Variants in PIK3C2G observed in about 807,000 individuals in gnomAD.
The protein encoded by PIK3C2G is phosphatidylinositol 3-kinase C2 domain-containing subunit gamma.
A neutral mutation model predicts 181.1 loss-of-function variants in PIK3C2G; 168 were observed. The ratio of observed to expected loss-of-function variants is 0.93; its 90% confidence interval spans 0.82 to 1.05. The LOEUF is 1.05. Ranked by LOEUF, PIK3C2G falls within the 50% of genes least tolerant of loss-of-function variation. The probability of loss-of-function intolerance (pLI) is 0.00; values close to 1 mark genes in which losing one functional copy is unlikely to be tolerated. For missense variants in PIK3C2G, 1,869 were observed against 1,732.8 expected (o/e 1.08, Z -1.40); for synonymous variants, 573 against 592.2 (o/e 0.97, Z 0.47).
chr12:18,281,015 C>T (rs1446105413), intron 1 of PIK3C2G, among the ~76,000 whole-genome samples: 1 of 151,570 alleles, frequency 6.6e-6, no homozygotes, highest in African/African-American at 2.4e-5. Flanking sequence ...CATTTTTTTG[C>T]CCCATAGAAC....
upstream of PIK3C2G, among the ~76,000 whole-genome samples, chr12:18,243,418 C>A (rs1032615409): frequency 6.6e-6 from 1 of 151,856 alleles, no homozygotes; most frequent in Non-Finnish European, 1.5e-5. Context: ...ATGGCACCAT[C>A]CCAGAAAGGT....
At chr12:18,548,194 C>A (rs993808279) in intron 26 of PIK3C2G, among the ~76,000 whole-genome samples, 2 of 151,754 alleles carry the variant, frequency 1.3e-5, no homozygotes, top group African/African-American at 4.8e-5. Context: ...GCATGGCAGA[C>A]ACAATGATTG....
intron 28 of PIK3C2G, among the ~76,000 whole-genome samples, chr12:18,566,364 C>T (rs1186852280): frequency 6.6e-6 from 1 of 152,186 alleles, no homozygotes; most frequent in East Asian, 1.9e-4. Context: ...TTACCAAATG[C>T]TACCCATTAC....
chr12:18,705,330 A>C, the PIK3C2G span: 1 of 1,613,894 alleles, frequency 6.2e-7, no homozygotes, highest in Non-Finnish European at 8.5e-7. Flanking sequence ...AAAAGTAACC[A>C]TTACTATGGT....
the PIK3C2G span, chr12:18,684,313 T>C: frequency 6.4e-7 from 1 of 1,561,634 alleles, no homozygotes; most frequent in Non-Finnish European, 8.8e-7. Context: ...CAAAGAATAA[T>C]AGATACCATA....
chr12:18,627,384 G>A (rs1949149479), intron 31 of PIK3C2G, among the ~76,000 whole-genome samples: 1 of 151,706 alleles, frequency 6.6e-6, no homozygotes, highest in Non-Finnish European at 1.5e-5. Context: ...CCTTTCTTTG[G>A]GCGTCATTGC....
chr12:18,537,447 C>G (rs1261843358), intron 24 of PIK3C2G, among the ~76,000 whole-genome samples: 1 of 151,698 alleles, frequency 6.6e-6, no homozygotes, highest in Non-Finnish European at 1.5e-5. Context: ...CAGCCCTATC[C>G]GTATCTTAAA....
intron 31 of PIK3C2G, among the ~76,000 whole-genome samples, chr12:18,624,193 T>C (rs2136682729): frequency 6.6e-6 from 1 of 151,892 alleles, no homozygotes; most frequent in African/African-American, 2.4e-5. Context: ...TTAATTGTGC[T>C]GAGATACATT....
chr12:18,304,372 T>C (rs1217035730), intron 5 of PIK3C2G, among the ~76,000 whole-genome samples: 1 of 152,150 alleles, frequency 6.6e-6, no homozygotes, highest in Non-Finnish European at 1.5e-5. Context: ...TTCTCCTGCC[T>C]CAGCCTCCTG....
chr12:18,593,272 A>G (rs902710479), intron 29 of PIK3C2G, among the ~76,000 whole-genome samples: 2 of 151,954 alleles, frequency 1.3e-5, no homozygotes, highest in African/African-American at 4.8e-5. Flanking sequence ...TAAGATACGA[A>G]TTTGGGAGGG....
At chr12:18,593,402 A>G (rs1947190118) in intron 29 of PIK3C2G, among the ~76,000 whole-genome samples, 1 of 151,704 alleles carries the variant, frequency 6.6e-6, no homozygotes, top group Non-Finnish European at 1.5e-5. Flanking sequence ...TCTGCCTTTT[A>G]TTTTCTTGGA....
the PIK3C2G span, among the ~76,000 whole-genome samples, chr12:18,708,214 C>T: frequency 6.6e-6 from 1 of 152,146 alleles, no homozygotes; most frequent in East Asian, 1.9e-4. Context: ...GTTTGGTTAT[C>T]TATCTCTGTA....
chr12:18,363,197 G>C (rs1941390231), intron 12 of PIK3C2G: 1 of 166,020 alleles, frequency 6.0e-6, no homozygotes, highest in Non-Finnish European at 1.3e-5. Flanking sequence ...CTTTGAGGCA[G>C]GAGTGGAGGG....
the PIK3C2G span, among the ~76,000 whole-genome samples, chr12:18,665,393 T>C: frequency 6.6e-6 from 1 of 152,170 alleles, no homozygotes; most frequent in African/African-American, 2.4e-5. Flanking sequence ...TTATATTATT[T>C]GTATTTCACC....
intron 18 of PIK3C2G, among the ~76,000 whole-genome samples, chr12:18,430,960 A>C (rs1396706719): frequency 6.6e-6 from 1 of 152,032 alleles, no homozygotes; most frequent in Non-Finnish European, 1.5e-5. Flanking sequence ...TTTTTTAAAT[A>C]ATCTTCCCTC....
chr12:18,338,582 A>G (rs955465244), intron 9 of PIK3C2G, 34 bp downstream of exon 9: 7 of 1,465,184 alleles, frequency 4.8e-6, no homozygotes, highest in Non-Finnish European at 6.6e-6. Context: ...AGTAGTTTTA[A>G]ACCTGAGTTC....
At chr12:18,529,897 C>A (rs1376749455) in intron 24 of PIK3C2G, among the ~76,000 whole-genome samples, 2 of 152,122 alleles carry the variant, frequency 1.3e-5, no homozygotes, top group Admixed American at 6.6e-5. Flanking sequence ...ATATTATGAA[C>A]AGAAATGTGG....
intron 18 of PIK3C2G, among the ~76,000 whole-genome samples, chr12:18,436,042 A>C (rs1026409965): frequency 1.3e-5 from 2 of 151,970 alleles, no homozygotes; most frequent in African/African-American, 4.8e-5. Flanking sequence ...ACATAACAAG[A>C]AGCTCTTCAG....
At position 18,313,962 on chromosome 12, in the gene PIK3C2G, C is replaced by A. The variant is rs1174095327; in HGVS notation, c.1035C>A (p.Asn345Lys). ...SVCGSEEFLQ[N>K]DHCLGSHKMF... ...TTGTGTTCATTTTTTCCTCCTTCAG[C>A]GACCACTGTTTGGGGAGCCACAAAA... The change falls in exon 6 of 33, where the codon AAC (asparagine) becomes AAA (lysine). Residue 345 changes from asparagine to lysine, a missense_variant and splice_region_variant. By Grantham distance (94) the Asn-to-Lys change is moderately conservative (BLOSUM62 0). Coordinates refer to ENST00000538779, the MANE Select transcript of PIK3C2G (RefSeq NM_001288772.2). 6.5e-7 allele frequency: 1 copy of A among 1,542,604 alleles called. No individual in the cohort carries two copies. The highest frequency in any genetic ancestry group is 8.9e-7 in the Non-Finnish European group (1 of 1,127,076).
Sources: allele counts gnomAD v4.1 joint callset (sites outside exome capture counted in the v4.1 genomes callset), GRCh38; gene constraint gnomAD v4.1.1; transcripts MANE v1.5; gene names NCBI Gene and HGNC (gene_info 2026-07-23, HGNC 2026-07-21).